The following DNAH5 variants were observed in gnomAD, a reference collection of about 807,000 sequenced individuals.
The protein encoded by DNAH5 is axonemal beta dynein heavy chain 5.
Under a neutral mutation model 518.2 loss-of-function variants are expected in DNAH5, and 372 were observed. That is an observed-to-expected ratio of 0.72 (90% CI 0.66 to 0.78). The LOEUF is 0.78. DNAH5 is among the 30% of genes least tolerant of loss of function. The pLI is 0.00. For synonymous variants in DNAH5, 2,039 were observed against 2,025.9 expected, an observed-to-expected ratio of 1.01 and a Z score of -0.17; for missense variants, 5,523 against 5,687.0, an observed-to-expected ratio of 0.97 and a Z score of 0.93.
intron 76 of DNAH5, among the ~76,000 whole-genome samples, chr5:13,705,954 G>A (rs890513727): frequency 2.0e-5 from 3 of 152,208 alleles, no homozygotes; most frequent in Non-Finnish European, 2.9e-5. Context: ...AAGGGAGCAC[G>A]GCTGGCCAAC....
intron 3 of DNAH5, among the ~76,000 whole-genome samples, chr5:13,925,172 C>T (rs1002910163): frequency 2.6e-5 from 4 of 152,120 alleles, no homozygotes; most frequent in Admixed American, 2.0e-4. Flanking sequence ...AATTGCATCC[C>T]GCTCCTGGCT....
At chr5:13,862,789 C>T in intron 28 of DNAH5, 42 bp from the exon 29 acceptor site, 1 of 1,538,950 alleles carries the variant, frequency 6.5e-7, no homozygotes, top group Non-Finnish European at 8.9e-7. Context: ...ATGAAAGTCA[C>T]ACGTCCTTCC....
At chr5:13,829,779 T>G (rs145814697) in intron 37 of DNAH5, 75 bp from the exon 38 acceptor site, 2 of 1,425,298 alleles carry the variant, frequency 1.4e-6, no homozygotes, top group Non-Finnish European at 2.0e-6. Context: ...AGATTCATTA[T>G]GTACACACAA....
Position 13,927,990 on chromosome 5 carries a change from G to T in DNAH5, c.277+104C>A, listed in dbSNP as rs917737510. 13 of 963,366 alleles carry T rather than the reference G, an allele frequency of 1.3e-5. No individual in the cohort carries two copies. In the East Asian group the frequency reaches 2.0e-4, roughly 14 times the overall value. 59.7% of individuals were successfully genotyped at this position (963,366 alleles called of 1,614,324 possible). A position where few individuals can be genotyped will look rare whatever the true frequency, so the allele number is the denominator to read the frequency against. The stretch of plus-strand genomic sequence containing the variant: ...CCACACACGCATCTCCCTCCCGCCC[G>T]CAAGGTGAAACAGGTCCGTTCTCAC... On this transcript the variant is annotated intron_variant, in intron 3 of 78. Coordinates refer to ENST00000265104, the MANE Select transcript of DNAH5 (RefSeq NM_001369.3).
At chr5:14,010,537 G>C (rs1785040647) in intron 1 of DNAH5, among the ~76,000 whole-genome samples, 1 of 152,104 alleles carries the variant, frequency 6.6e-6, no homozygotes, top group Non-Finnish European at 1.5e-5. Context: ...AATGTCACCT[G>C]TCATTTCAGG....
intron 52 of DNAH5, among the ~76,000 whole-genome samples, chr5:13,783,624 C>T (rs1455286516): frequency 1.3e-5 from 2 of 152,076 alleles, no homozygotes; most frequent in African/African-American, 2.4e-5. Context: ...ACCATATACA[C>T]CATGGTTTGA....
intron 44 of DNAH5, 80 bp downstream of exon 44, chr5:13,811,567 A>T: frequency 7.3e-7 from 1 of 1,360,720 alleles, no homozygotes. Flanking sequence ...CTACATTAAT[A>T]AGAGAGAAAA....
At chr5:13,818,358 G>C (rs912767854) in intron 41 of DNAH5, among the ~76,000 whole-genome samples, 2 of 152,202 alleles carry the variant, frequency 1.3e-5, no homozygotes, top group African/African-American at 4.8e-5. Context: ...CAGCACTTTG[G>C]GGGGCCAAGG....
intron 1 of DNAH5, among the ~76,000 whole-genome samples, chr5:13,963,188 C>G (rs933677385): frequency 6.6e-6 from 1 of 152,154 alleles, no homozygotes; most frequent in Non-Finnish European, 1.5e-5. Flanking sequence ...GCCCCTGACT[C>G]TGAGATGACA....
chr5:13,874,884 G>C (rs1440622066), intron 22 of DNAH5, among the ~76,000 whole-genome samples: 1 of 152,120 alleles, frequency 6.6e-6, no homozygotes, highest in African/African-American at 2.4e-5. Context: ...GCTAAAGGCA[G>C]GTCAGGTTTA....
chr5:13,722,745 C>T (rs1168785108), intron 70 of DNAH5, among the ~76,000 whole-genome samples: 5 of 152,206 alleles, frequency 3.3e-5, no homozygotes, highest in Admixed American at 3.3e-4. Flanking sequence ...AACAGCTGGA[C>T]CATTTTACTG....
At chr5:13,830,450 C>A in intron 36 of DNAH5, 147 bp downstream of exon 36, 1 of 1,024,288 alleles carries the variant, frequency 9.8e-7, no homozygotes, top group Non-Finnish European at 1.5e-6. Flanking sequence ...ATTTGGTCCA[C>A]ACAACCTGGC....
intron 57 of DNAH5, 126 bp downstream of exon 57, chr5:13,769,375 G>A: frequency 3.1e-6 from 3 of 955,916 alleles, no homozygotes; most frequent in African/African-American, 3.2e-5. Flanking sequence ...AAAATTAAGA[G>A]TATTTTATTC....
intron 47 of DNAH5, among the ~76,000 whole-genome samples, chr5:13,797,853 A>C (rs977308899): frequency 6.6e-6 from 1 of 152,206 alleles, no homozygotes; most frequent in Non-Finnish European, 1.5e-5. Context: ...GCACATATAC[A>C]CCATGGAATA....
rs2126689531 is a variant in DNAH5, at chr5:13,751,180, G to A, written c.11109C>T (p.Tyr3703=). The A allele has an allele frequency of 1.9e-6, 3 of 1,613,980 alleles. No homozygotes were observed. Among genetic ancestry groups the A allele is most frequent in the Non-Finnish European group, 2.5e-6 (3 of 1,179,914 alleles). The change falls in exon 65 of 79, where the codon TAC becomes TAT. Residue 3703 remains tyrosine (Y), a synonymous_variant. Coordinates refer to ENST00000265104, the MANE Select transcript of DNAH5 (RefSeq NM_001369.3). Reference sequence around the variant, plus strand: ...AGGTACGGGCACTTATCTCAGGGGTGTAGGCTGGGTTAGGCAATTTGGTGG... The same window carrying A: ...AGGTACGGGCACTTATCTCAGGGGTATAGGCTGGGTTAGGCAATTTGGTGG... ...YITTKLPNPA[Y]TPEISARTSI...
intron 12 of DNAH5, among the ~76,000 whole-genome samples, chr5:13,907,422 C>T (rs1775446352): frequency 6.6e-6 from 1 of 152,104 alleles, no homozygotes; most frequent in Non-Finnish European, 1.5e-5. Flanking sequence ...GAGTGAAACT[C>T]TGTCCCCCCG....
At chr5:13,930,018 G>C (rs981831329) in intron 2 of DNAH5, among the ~76,000 whole-genome samples, 4 of 152,186 alleles carry the variant, frequency 2.6e-5, no homozygotes, top group African/African-American at 9.7e-5. Flanking sequence ...TGAGAACAGG[G>C]ACCGACACAT....
chr5:13,831,636 A>G (rs1763679639), intron 35 of DNAH5, among the ~76,000 whole-genome samples: 1 of 152,210 alleles, frequency 6.6e-6, no homozygotes, highest in Middle Eastern at 3.2e-3. Flanking sequence ...CGAGTGCTAT[A>G]AAGGCAAGTA....
chr5:13,915,308 T>C (rs1260327049), intron 9 of DNAH5, among the ~76,000 whole-genome samples: 3 of 152,102 alleles, frequency 2.0e-5, no homozygotes, highest in African/African-American at 4.8e-5. Flanking sequence ...CTAGGTGATA[T>C]GTACATGGCA....
Sources: gnomAD v4.1 joint callset for allele counts (sites outside exome capture counted in the v4.1 genomes callset) on GRCh38, gnomAD v4.1.1 for gene constraint, MANE v1.5 for transcripts, NCBI Gene and HGNC (gene_info 2026-07-23, HGNC 2026-07-21) for gene names.